TACR1: variants seen among roughly 807,000 people sequenced by gnomAD.
TACR1 encodes tachykinin receptor 1, also known as substance-P receptor.
In TACR1, 25 loss-of-function variants were observed where a neutral mutation model predicts 35.8. That is an observed-to-expected ratio of 0.70 (90% CI 0.51 to 0.98). The LOEUF is 0.98. TACR1 is among the 50% of genes least tolerant of loss of function. TACR1 has a pLI of 0.00. For synonymous variants in TACR1, 195 were observed against 206.7 expected, an observed-to-expected ratio of 0.94 and a Z score of 0.48; for missense variants, 478 against 522.9, an observed-to-expected ratio of 0.91 and a Z score of 0.84.
At chr2:75,166,498 T>C (rs1016877236) in intron 1 of TACR1, among the ~76,000 whole-genome samples, 3 of 152,226 alleles carry the variant, frequency 2.0e-5, no homozygotes, top group Non-Finnish European at 4.4e-5. Flanking sequence ...AACTTAGTCG[T>C]TGGCCAATCA....
intron 2 of TACR1, among the ~76,000 whole-genome samples, chr2:75,084,030 T>G (rs1268726270): frequency 6.6e-6 from 1 of 152,192 alleles, no homozygotes; most frequent in African/African-American, 2.4e-5. Flanking sequence ...TGCTTCCAGT[T>G]TTTGCCCATT....
intron 1 of TACR1, among the ~76,000 whole-genome samples, chr2:75,126,657 T>C (rs1321991639): frequency 6.6e-6 from 1 of 152,136 alleles, no homozygotes; most frequent in Non-Finnish European, 1.5e-5. Context: ...CTAATTAAAC[T>C]TAAGAGCTTC....
At chr2:75,190,556 G>T (rs1004355636) in intron 1 of TACR1, among the ~76,000 whole-genome samples, 9 of 152,212 alleles carry the variant, frequency 5.9e-5, no homozygotes, top group Admixed American at 3.9e-4. Context: ...GGATATGATT[G>T]TGTGTCAGAG....
chr2:75,126,375 G>A (rs1311397530), intron 1 of TACR1, among the ~76,000 whole-genome samples: 1 of 152,094 alleles, frequency 6.6e-6, no homozygotes, highest in Non-Finnish European at 1.5e-5. Flanking sequence ...ATTGTGAATA[G>A]TAGTACTGCA....
At chr2:75,057,218 A>T (rs1045374472) in intron 2 of TACR1, among the ~76,000 whole-genome samples, 1 of 150,066 alleles carries the variant, frequency 6.7e-6, no homozygotes. Flanking sequence ...TACCTTGTGA[A>T]ATTCCTTCTC....
At chr2:75,077,430 C>G (rs2103826433) in intron 2 of TACR1, among the ~76,000 whole-genome samples, 1 of 152,298 alleles carries the variant, frequency 6.6e-6, no homozygotes, top group East Asian at 1.9e-4. Context: ...TTAGATGGAC[C>G]TACTGTGAAT....
intron 1 of TACR1, among the ~76,000 whole-genome samples, chr2:75,133,377 A>T (rs7586336): frequency 0.053 from 8,058 of 152,284 alleles, 343 homozygotes; most frequent in African/African-American, 0.12. Flanking sequence ...TAAAGAATAC[A>T]GGAAGATATA....
At chr2:75,172,396 G>T (rs1675308185) in intron 1 of TACR1, among the ~76,000 whole-genome samples, 1 of 152,160 alleles carries the variant, frequency 6.6e-6, no homozygotes, top group South Asian at 2.1e-4. Context: ...CTGTAAGAAA[G>T]AATAGTCACA....
intron 1 of TACR1, among the ~76,000 whole-genome samples, chr2:75,150,797 G>A (rs1162654996): frequency 6.6e-6 from 1 of 152,242 alleles, no homozygotes; most frequent in Non-Finnish European, 1.5e-5. Context: ...ACAGAAAAAT[G>A]TGGGAAAGTT....
chr2:75,185,446 A>G (rs555845587), intron 1 of TACR1, among the ~76,000 whole-genome samples: 116 of 152,176 alleles, frequency 7.6e-4, no homozygotes, highest in African/African-American at 2.7e-3. Flanking sequence ...AATATAAAAA[A>G]TTTTTATATC....
intron 1 of TACR1, among the ~76,000 whole-genome samples, chr2:75,166,993 A>G (rs891087410): frequency 1.3e-5 from 2 of 152,160 alleles, no homozygotes; most frequent in Admixed American, 1.3e-4. Context: ...GATAGCAAAC[A>G]TTGGATTTTT....
chr2:75,195,695 T>A (rs1416325751), intron 1 of TACR1, among the ~76,000 whole-genome samples: 1 of 152,136 alleles, frequency 6.6e-6, no homozygotes, highest in African/African-American at 2.4e-5. Context: ...AACAAAATTA[T>A]CATATATAAA....
At chr2:75,066,393 A>C (rs1672762609) in intron 2 of TACR1, among the ~76,000 whole-genome samples, 1 of 152,244 alleles carries the variant, frequency 6.6e-6, no homozygotes, top group Non-Finnish European at 1.5e-5. Context: ...AGAATGGATA[A>C]ATGTCACTCA....
intron 1 of TACR1, among the ~76,000 whole-genome samples, chr2:75,144,585 CA>C (rs1297914453): frequency 6.6e-6 from 1 of 152,036 alleles, no homozygotes; most frequent in Non-Finnish European, 1.5e-5. Flanking sequence ...TCCGAAGAAT[CA>C]AAGCAAATAT....
chr2:75,052,380 A>G (rs1054788410), intron 3 of TACR1, among the ~76,000 whole-genome samples: 4 of 152,136 alleles, frequency 2.6e-5, no homozygotes, highest in Admixed American at 6.5e-5. Context: ...TGAGAAATCA[A>G]TTTCTATTTT....
chr2:75,092,768 C>T (rs951876964), intron 2 of TACR1, among the ~76,000 whole-genome samples: 4 of 152,106 alleles, frequency 2.6e-5, no homozygotes, highest in African/African-American at 9.7e-5. Flanking sequence ...GTAAGGCGGC[C>T]TCCAAAGACC....
At chr2:75,116,638 G>C (rs1673865699) in intron 2 of TACR1, among the ~76,000 whole-genome samples, 1 of 152,126 alleles carries the variant, frequency 6.6e-6, no homozygotes, top group Non-Finnish European at 1.5e-5. Context: ...GCTGGGCACG[G>C]TGGCTTATGC....
chr2:75,109,570 A>G (rs1166235001), intron 2 of TACR1, among the ~76,000 whole-genome samples: 1 of 152,230 alleles, frequency 6.6e-6, no homozygotes, highest in Non-Finnish European at 1.5e-5. Flanking sequence ...GTGGAAATTC[A>G]AAGTAATTCC....
chr2:75,170,555 A>C (rs539800535), intron 1 of TACR1, among the ~76,000 whole-genome samples: 10 of 152,306 alleles, frequency 6.6e-5, no homozygotes, highest in African/African-American at 2.4e-4. Context: ...CGGTTGGAAC[A>C]GTTTGGAGGG....
Sources: allele counts gnomAD v4.1 joint callset (sites outside exome capture counted in the v4.1 genomes callset), GRCh38; gene constraint gnomAD v4.1.1; transcripts MANE v1.5; gene names NCBI Gene and HGNC (gene_info 2026-07-23, HGNC 2026-07-21).